The following RFX3 variants were observed in gnomAD, a reference collection of about 807,000 sequenced individuals.
The protein encoded by RFX3 is transcription factor RFX3.
Under a neutral mutation model 98.6 loss-of-function variants are expected in RFX3, and 14 were observed. The ratio of observed to expected loss-of-function variants is 0.14; its 90% CI spans 0.09 to 0.22. RFX3 has a LOEUF of 0.22. RFX3 is among the 10% of genes least tolerant of loss of function. The pLI, the probability that RFX3 is intolerant of heterozygous loss-of-function variation, is 1.00. For missense variants in RFX3, 639 were observed against 926.9 expected (o/e 0.69, Z 4.03); for synonymous variants, 383 against 328.4 (o/e 1.17, Z -1.80).
At chr9:3,515,415 G>C (rs1315860330) in intron 1 of RFX3, among the ~76,000 whole-genome samples, 1 of 152,132 alleles carries the variant, frequency 6.6e-6, no homozygotes, top group African/African-American at 2.4e-5. Flanking sequence ...AGTAGGTAAG[G>C]AAAGAAATCT....
chr9:3,247,265 G>C (rs983048800), intron 15 of RFX3: 2 of 986,784 alleles, frequency 2.0e-6, no homozygotes, highest in South Asian at 9.3e-5. Context: ...GTTATATTCA[G>C]AGTTTAAGCT....
intron 1 of RFX3, among the ~76,000 whole-genome samples, chr9:3,509,076 CAT>C (rs1173195155): frequency 1.1e-4 from 16 of 151,798 alleles, no homozygotes; most frequent in African/African-American, 3.6e-4. Context: ...AAGTAAACAA[CAT>C]AACCTTCCAA....
chr9:3,470,249 A>T (rs189690617), intron 1 of RFX3, among the ~76,000 whole-genome samples: 1 of 152,288 alleles, frequency 6.6e-6, no homozygotes, highest in Admixed American at 6.5e-5. Context: ...CAAACTAGTA[A>T]CTGACAGGGC....
chr9:3,255,451 TG>T (rs1463187976), intron 14 of RFX3, among the ~76,000 whole-genome samples: 1 of 152,212 alleles, frequency 6.6e-6, no homozygotes, highest in Non-Finnish European at 1.5e-5. Flanking sequence ...GTATGTCCTG[TG>T]GCCACCACTT....
In RFX3 at chr9:3,409,354, C is replaced by G. The variant is rs528904682; in HGVS notation, c.-8-13758G>C. 7.2e-5 allele frequency among the ~76,000 whole-genome samples: 11 copies of G among 152,270 alleles called. No individual in the cohort carries two copies. The South Asian group carries it at 2.1e-3, about 29-fold the overall frequency. On this transcript the variant is annotated intron_variant, in intron 1 of 16. Transcript: ENST00000617270. The stretch of plus-strand genomic sequence containing the variant: ...AACATGTTGCTTCCGTTTTAAGTAA[C>G]TAAAAAGCATTCAGTATTTGAAATA...
At chr9:3,327,596 A>AT (rs1170140335) in intron 4 of RFX3, among the ~76,000 whole-genome samples, 4 of 151,810 alleles carry the variant, frequency 2.6e-5, no homozygotes, top group African/African-American at 4.8e-5. Context: ...AAAAAGGAAA[A>AT]TTTTCTTATT....
intron 1 of RFX3, among the ~76,000 whole-genome samples, chr9:3,477,082 T>C (rs936227644): frequency 3.5e-4 from 53 of 152,168 alleles, no homozygotes; most frequent in Non-Finnish European, 3.8e-4. Flanking sequence ...TAATTTTTGT[T>C]CTAATTTTTG....
chr9:3,498,357 T>G (rs1235678438), intron 1 of RFX3, among the ~76,000 whole-genome samples: 2 of 152,086 alleles, frequency 1.3e-5, no homozygotes, highest in African/African-American at 4.8e-5. Context: ...GCCTGTTTTC[T>G]TAGATAAATT....
At position 3,221,667 on chromosome 9, in the gene RFX3, A is replaced by C. The variant is rs925295842; in HGVS notation, c.*3375T>G. ...TTGATAGCCAAAGAAAAAATTGAAAATTGGGCCCTGTCTTCCAAGGAGATG... is the reference window on the plus strand; with the variant it reads ...TTGATAGCCAAAGAAAAAATTGAAACTTGGGCCCTGTCTTCCAAGGAGATG... On this transcript the variant is annotated 3_prime_UTR_variant, in exon 17 of 17. Transcript: ENST00000617270. 6.6e-6 allele frequency: 1 copy of C among 152,148 alleles called. No homozygotes were observed. The highest frequency in any genetic ancestry group is 1.5e-5 in the Non-Finnish European group (1 of 68,000). 9.4% of individuals were successfully genotyped at this position (152,148 alleles called of 1,614,324 possible).
chr9:3,374,089 C>T (rs554315477), intron 2 of RFX3, among the ~76,000 whole-genome samples: 7 of 144,020 alleles, frequency 4.9e-5, no homozygotes, highest in South Asian at 2.1e-4. Flanking sequence ...CACACACACG[C>T]GCGCACACAC....
rs1394846039 is a variant in RFX3 at position 3,408,612 on chromosome 9, T to TCTCTCA, written c.-8-13017_-8-13016insTGAGAG. The stretch of plus-strand genomic sequence containing the variant: ...GTCTCTGTCTCTCTCTCTCTCTCTC[T>TCTCTCA]CACACACACACACACACACACACGC... On this transcript the variant is annotated intron_variant, in intron 1 of 16. Coordinates refer to ENST00000617270, the MANE Select transcript of RFX3 (RefSeq NM_001282116.2). 1.6e-3 allele frequency among the ~76,000 whole-genome samples: 240 copies of TCTCTCA among 147,786 alleles called. 1 individual carries two copies. Among genetic ancestry groups the TCTCTCA allele is most frequent in the African/African-American group, 5.6e-3 (228 of 40,660 alleles).
At chr9:3,320,056 C>A (rs976293371) in intron 4 of RFX3, among the ~76,000 whole-genome samples, 1 of 152,114 alleles carries the variant, frequency 6.6e-6, no homozygotes, top group Non-Finnish European at 1.5e-5. Flanking sequence ...AACTGTGACA[C>A]CTCACAGACA....
At chr9:3,281,443 T>G (rs1289311808) in intron 7 of RFX3, among the ~76,000 whole-genome samples, 1 of 151,688 alleles carries the variant, frequency 6.6e-6, no homozygotes, top group African/African-American at 2.4e-5. Flanking sequence ...TTTTCCTCCC[T>G]TTACTTCCAT....
intron 1 of RFX3, chr9:3,489,249 G>C (rs529111097): frequency 6.1e-6 from 1 of 165,078 alleles, no homozygotes; most frequent in Admixed American, 6.5e-5. Flanking sequence ...GAAGTAATTT[G>C]GATGCAAACA....
At position 3,271,120 on chromosome 9, in the gene RFX3, T is replaced by TA. The variant is rs756017834; in HGVS notation, c.1087-3dup. The TA allele has an allele frequency of 6.2e-7, 1 of 1,613,060 alleles. No individual in the cohort carries two copies. On this transcript the variant is annotated splice_polypyrimidine_tract_variant and splice_region_variant and intron_variant, in intron 9 of 16. Coordinates refer to ENST00000617270, the MANE Select transcript of RFX3 (RefSeq NM_001282116.2). ...ATTCACAACAACGTCCAATATTGCC[T>TA]AAAAAACAAAATGGTACCAGTATTA...
intron 1 of RFX3, among the ~76,000 whole-genome samples, chr9:3,451,757 G>A (rs1364083038): frequency 1.3e-5 from 2 of 151,698 alleles, no homozygotes; most frequent in African/African-American, 2.4e-5. Context: ...TAGCATACAT[G>A]GGAACTCTGT....
chr9:3,361,387 G>A (rs546657629), intron 2 of RFX3, among the ~76,000 whole-genome samples: 4 of 152,178 alleles, frequency 2.6e-5, no homozygotes, highest in Admixed American at 6.5e-5. Flanking sequence ...AGCACAGTAC[G>A]GATATGCTAG....
At position 3,366,693 on chromosome 9, in the gene RFX3, C is replaced by CTTTCCTTTCTTT. The variant is rs1554681220; in HGVS notation, c.118-19930_118-19929insAAAGAAAGGAAA. ...CTTTCTCTTTCTTTCTTCTTTCTTTCCTTTCTTTCTTTCTTTCTTTCTTTC... is the reference window on the plus strand; with the variant it reads ...CTTTCTCTTTCTTTCTTCTTTCTTTCTTTCCTTTCTTTCTTTCTTTCTTTCTTTCTTTCTTTC... On this transcript the variant is annotated intron_variant, in intron 2 of 16. Transcript: ENST00000617270. 2.3e-4 allele frequency among the ~76,000 whole-genome samples: 20 copies of CTTTCCTTTCTTT among 85,450 alleles called. 1 individual carries two copies. The highest frequency in any genetic ancestry group is 1.0e-3 in the African/African-American group (20 of 19,264). The allele number at this position is 85,450 out of a possible 152,430, so 56.1% of individuals were successfully genotyped here.
At chr9:3,436,166 A>G (rs1390860685) in intron 1 of RFX3, among the ~76,000 whole-genome samples, 1 of 152,088 alleles carries the variant, frequency 6.6e-6, no homozygotes, top group Non-Finnish European at 1.5e-5. Flanking sequence ...TATGTTCCTA[A>G]CAGCTTTACC....
Sources: gnomAD v4.1 joint callset for allele counts (sites outside exome capture counted in the v4.1 genomes callset) on GRCh38, gnomAD v4.1.1 for gene constraint, MANE v1.5 for transcripts, NCBI Gene and HGNC (gene_info 2026-07-23, HGNC 2026-07-21) for gene names.